KCNIP4: variants seen among roughly 807,000 people sequenced by gnomAD.
The protein encoded by KCNIP4 is potassium voltage-gated channel interacting protein 4.
Under a neutral mutation model 34.0 loss-of-function variants are expected in KCNIP4, and 12 were observed. The observed-to-expected ratio is 0.35, with a 90% CI of 0.23 to 0.57. The LOEUF is 0.57. Ranked by LOEUF, KCNIP4 falls within the 20% of genes least tolerant of loss-of-function variation. The pLI is 0.83. For missense variants in KCNIP4, 238 were observed against 311.7 expected, an observed-to-expected ratio of 0.76 and a Z score of 1.78; for synonymous variants, 124 against 102.2, an observed-to-expected ratio of 1.21 and a Z score of -1.29.
chr4:21,282,461 T>TGA (rs1359722475), intron 1 of KCNIP4, among the ~76,000 whole-genome samples: 1 of 22,448 alleles, frequency 4.5e-5, no homozygotes, highest in Non-Finnish European at 7.3e-5. Context: ...GATGTGTGAG[T>TGA]GTGTGTGTGT....
intron 1 of KCNIP4, among the ~76,000 whole-genome samples, chr4:21,662,216 C>T (rs116813102): frequency 0.017 from 2,572 of 152,256 alleles, 81 homozygotes; most frequent in African/African-American, 0.059. Flanking sequence ...ACAGGTCTGT[C>T]GAGCTTGGGA....
At chr4:21,166,784 C>A (rs1166173605) in intron 1 of KCNIP4, among the ~76,000 whole-genome samples, 2 of 151,688 alleles carry the variant, frequency 1.3e-5, no homozygotes, top group African/African-American at 4.8e-5. Context: ...GCTAAAAATA[C>A]AAAAATTAGC....
chr4:21,435,928 T>C (rs1726908051), intron 1 of KCNIP4, among the ~76,000 whole-genome samples: 1 of 152,140 alleles, frequency 6.6e-6, no homozygotes, highest in African/African-American at 2.4e-5. Context: ...GAGCGTTGGA[T>C]AGAACAGATT....
intron 1 of KCNIP4, among the ~76,000 whole-genome samples, chr4:21,515,210 G>A (rs11735155): frequency 0.32 from 49,026 of 151,952 alleles, 8,247 homozygotes; most frequent in South Asian, 0.46. Context: ...GGGGGCTCCT[G>A]ATCTGGAAAA....
At chr4:21,410,050 T>C (rs1434911987) in intron 1 of KCNIP4, among the ~76,000 whole-genome samples, 1 of 152,134 alleles carries the variant, frequency 6.6e-6, no homozygotes, top group African/African-American at 2.4e-5. Flanking sequence ...TTGATGGCAC[T>C]CCTTCTACGA....
At chr4:21,400,010 G>A (rs1421681711) in intron 1 of KCNIP4, among the ~76,000 whole-genome samples, 3 of 152,082 alleles carry the variant, frequency 2.0e-5, no homozygotes, top group African/African-American at 4.8e-5. Context: ...TAGAGAAAAG[G>A]CAATATATTT....
At chr4:20,844,837 G>T (rs1202085550) in intron 3 of KCNIP4, among the ~76,000 whole-genome samples, 3 of 152,092 alleles carry the variant, frequency 2.0e-5, no homozygotes, top group Non-Finnish European at 4.4e-5. Flanking sequence ...CCCCATACAA[G>T]AACTCAGATG....
chr4:21,018,262 G>A (rs1021254159), intron 1 of KCNIP4, among the ~76,000 whole-genome samples: 2 of 152,018 alleles, frequency 1.3e-5, no homozygotes, highest in African/African-American at 4.8e-5. Context: ...AGCTCTCACC[G>A]TATTCAACAA....
At chr4:21,914,895 T>A (rs983274472) in intron 1 of KCNIP4, among the ~76,000 whole-genome samples, 1 of 152,058 alleles carries the variant, frequency 6.6e-6, no homozygotes, top group Non-Finnish European at 1.5e-5. Flanking sequence ...AGGAACTGGG[T>A]AACAAATTAC....
chr4:21,046,900 A>G (rs1742477469), intron 1 of KCNIP4, among the ~76,000 whole-genome samples: 1 of 152,146 alleles, frequency 6.6e-6, no homozygotes, highest in Non-Finnish European at 1.5e-5. Flanking sequence ...GTCAGTTGCT[A>G]GCTAATTTAT....
At chr4:21,805,255 G>A (rs1305334338) in intron 1 of KCNIP4, among the ~76,000 whole-genome samples, 1 of 152,134 alleles carries the variant, frequency 6.6e-6, no homozygotes, top group East Asian at 1.9e-4. Context: ...TAGATGTATT[G>A]ATATGGTTGG....
chr4:21,128,384 C>G (rs1750788720), intron 1 of KCNIP4, among the ~76,000 whole-genome samples: 1 of 152,156 alleles, frequency 6.6e-6, no homozygotes, highest in South Asian at 2.1e-4. Flanking sequence ...GAACATGACA[C>G]AGGAATCATA....
chr4:20,784,718 T>C lies in KCNIP4; in HGVS notation c.289-25828A>G, dbSNP rs186419634. Reference sequence around the variant, plus strand: ...GTGGGTATGCTGGATGCAAGGGATATAAAATTGGCACAGCATCTTTCTTGC... The same window carrying C: ...GTGGGTATGCTGGATGCAAGGGATACAAAATTGGCACAGCATCTTTCTTGC... On this transcript the variant is annotated intron_variant, in intron 3 of 8. Coordinates refer to ENST00000382152, the MANE Select transcript of KCNIP4 (RefSeq NM_025221.6). 2.2e-4 allele frequency among the ~76,000 whole-genome samples: 34 copies of C among 152,202 alleles called. No individual in the cohort carries two copies. The East Asian group carries it at 6.0e-3, about 27-fold the overall frequency.
intron 1 of KCNIP4, among the ~76,000 whole-genome samples, chr4:21,137,604 A>G (rs2109195678): frequency 6.6e-6 from 1 of 152,238 alleles, no homozygotes; most frequent in Admixed American, 6.5e-5. Flanking sequence ...GTCTGTGTTA[A>G]AGTAATGTTT....
At chr4:21,507,983 C>T (rs982186829) in intron 1 of KCNIP4, among the ~76,000 whole-genome samples, 15 of 152,240 alleles carry the variant, frequency 9.9e-5, no homozygotes, top group African/African-American at 3.6e-4. Context: ...TTTTTATCCC[C>T]AGAAGGCTTA....
chr4:20,834,236 C>A (rs1278943183), intron 3 of KCNIP4, among the ~76,000 whole-genome samples: 1 of 152,166 alleles, frequency 6.6e-6, no homozygotes, highest in Non-Finnish European at 1.5e-5. Context: ...CCCTAGAGAT[C>A]CCATGGCCCT....
intron 1 of KCNIP4, among the ~76,000 whole-genome samples, chr4:21,666,067 TGC>T (rs1282555153): frequency 6.6e-6 from 1 of 152,266 alleles, no homozygotes; most frequent in East Asian, 1.9e-4. Context: ...ATTTCTCTGT[TGC>T]TCCTGCCTAT....
intron 1 of KCNIP4, among the ~76,000 whole-genome samples, chr4:21,370,848 TATACACAC>T (rs1560338102): frequency 2.4e-3 from 52 of 21,388 alleles, no homozygotes; most frequent in Admixed American, 3.8e-3. Flanking sequence ...TATATATATA[TATACACAC>T]ACACACACAC....
At chr4:21,517,620 C>T (rs183217440) in intron 1 of KCNIP4, among the ~76,000 whole-genome samples, 36 of 152,154 alleles carry the variant, frequency 2.4e-4, no homozygotes, top group Admixed American at 3.9e-4. Context: ...CTGCCTAATA[C>T]GAGTCATTAC....
Sources: allele counts gnomAD v4.1 joint callset (sites outside exome capture counted in the v4.1 genomes callset), GRCh38; gene constraint gnomAD v4.1.1; transcripts MANE v1.5; gene names NCBI Gene and HGNC (gene_info 2026-07-23, HGNC 2026-07-21).